The following BTBD9 variants were observed in gnomAD, a reference collection of about 807,000 sequenced individuals.
The protein encoded by BTBD9 is BTB domain containing 9.
A neutral mutation model predicts 64.3 loss-of-function variants in BTBD9; 49 were observed. The observed-to-expected ratio is 0.76, with a 90% CI of 0.61 to 0.97. BTBD9 has a LOEUF of 0.97. Among genes scored for constraint, BTBD9 ranks in the 50% least tolerant of loss-of-function variants. The probability of loss-of-function intolerance (pLI) is 0.00; values close to 1 mark genes in which losing one functional copy is unlikely to be tolerated. For missense variants in BTBD9, 598 were observed against 762.1 expected, an observed-to-expected ratio of 0.78 and a Z score of 2.53; for synonymous variants, 260 against 274.7, an observed-to-expected ratio of 0.95 and a Z score of 0.53.
chr6:38,537,252 C>T (rs1036150858), intron 6 of BTBD9, among the ~76,000 whole-genome samples: 5 of 152,104 alleles, frequency 3.3e-5, no homozygotes, highest in East Asian at 1.9e-4. Flanking sequence ...CAGAGTTAAA[C>T]GATCCAAATG....
intron 6 of BTBD9, among the ~76,000 whole-genome samples, chr6:38,376,488 T>C (rs970547095): frequency 1.3e-5 from 2 of 152,176 alleles, no homozygotes; most frequent in Non-Finnish European, 2.9e-5. Context: ...GAGGTTAATG[T>C]ATAAAATACA....
chr6:38,399,603 T>C (rs947227862), intron 6 of BTBD9, among the ~76,000 whole-genome samples: 6 of 151,428 alleles, frequency 4.0e-5, no homozygotes, highest in Non-Finnish European at 8.8e-5. Context: ...CAAGAATCCA[T>C]CTATTCTCTT....
At chr6:38,427,383 A>C (rs1369819628) in intron 6 of BTBD9, among the ~76,000 whole-genome samples, 8 of 151,962 alleles carry the variant, frequency 5.3e-5, no homozygotes, top group Admixed American at 4.6e-4. Flanking sequence ...CAATTTCATT[A>C]GGTTCTCTGT....
At chr6:38,349,543 T>G (rs926433355) in intron 6 of BTBD9, among the ~76,000 whole-genome samples, 6 of 152,258 alleles carry the variant, frequency 3.9e-5, no homozygotes, top group Non-Finnish European at 7.4e-5. Context: ...TTGTTCTATT[T>G]TATTATTAGT....
chr6:38,181,129 A>C (rs1238403418), intron 10 of BTBD9, among the ~76,000 whole-genome samples: 1 of 152,226 alleles, frequency 6.6e-6, no homozygotes, highest in Non-Finnish European at 1.5e-5. Context: ...CAAATTTTCA[A>C]GGTTTTTAAA....
At chr6:38,537,002 C>A (rs976037250) in intron 6 of BTBD9, among the ~76,000 whole-genome samples, 2 of 151,918 alleles carry the variant, frequency 1.3e-5, no homozygotes, top group Non-Finnish European at 2.9e-5. Flanking sequence ...GAAAAAAGAA[C>A]AAATACTTGA....
intron 9 of BTBD9, among the ~76,000 whole-genome samples, chr6:38,221,267 C>T (rs968789113): frequency 5.3e-5 from 8 of 152,130 alleles, no homozygotes; most frequent in African/African-American, 1.9e-4. Flanking sequence ...CTGTCGATAA[C>T]ATCTAATTGA....
intron 8 of BTBD9, among the ~76,000 whole-genome samples, chr6:38,276,421 T>G (rs543241743): frequency 1.3e-5 from 2 of 151,810 alleles, no homozygotes; most frequent in Non-Finnish European, 2.9e-5. Flanking sequence ...ATGGGTGCAG[T>G]ACACCGACAT....
intron 1 of BTBD9, among the ~76,000 whole-genome samples, chr6:38,634,302 T>C (rs2127535410): frequency 6.6e-6 from 1 of 152,248 alleles, no homozygotes; most frequent in East Asian, 1.9e-4. Context: ...GTCTTCAGTA[T>C]ATGAAACATG....
At chr6:38,596,854 G>C (rs74483799) in intron 2 of BTBD9, among the ~76,000 whole-genome samples, 1 of 151,926 alleles carries the variant, frequency 6.6e-6, no homozygotes, top group Non-Finnish European at 1.5e-5. Flanking sequence ...GTAATGACTG[G>C]ACCAAAATTT....
chr6:38,567,908 G>A lies in BTBD9; in HGVS notation c.1154+9692C>T, dbSNP rs551706077. On this transcript the variant is annotated intron_variant, in intron 6 of 10. Transcript: ENST00000481247. ...AACACTGGCAAAAAAAAATAGCAGTGTTAAAAGGGTATTTTCCAGAAAAAC... is the reference window on the plus strand; with the variant it reads ...AACACTGGCAAAAAAAAATAGCAGTATTAAAAGGGTATTTTCCAGAAAAAC... Among the ~76,000 whole-genome samples the A allele has an allele frequency of 8.9e-4, 136 of 152,186 alleles. 1 individual carries two copies. The highest frequency in any genetic ancestry group is 3.0e-3 in the African/African-American group (124 of 41,526).
chr6:38,614,431 T>C lies in BTBD9; in HGVS notation c.-27-16310A>G, dbSNP rs557236500. ...CCAGCACCTTACAGTGACTGGCATA[T>C]TTAAGACCCCAAAATTAACAAAAGA... On this transcript the variant is annotated intron_variant, in intron 1 of 10. Transcript: ENST00000481247. 2.3e-3 allele frequency among the ~76,000 whole-genome samples: 345 copies of C among 152,296 alleles called. 1 individual carries two copies. Among genetic ancestry groups the C allele is most frequent in the African/African-American group, 7.7e-3 (319 of 41,566 alleles).
intron 6 of BTBD9, among the ~76,000 whole-genome samples, chr6:38,421,353 C>T (rs927594774): frequency 2.0e-5 from 3 of 152,146 alleles, no homozygotes; most frequent in African/African-American, 7.2e-5. Context: ...AAGATTCCAT[C>T]TCAAAAACAC....
chr6:38,538,203 A>T (rs1388300937), intron 6 of BTBD9, among the ~76,000 whole-genome samples: 2 of 152,192 alleles, frequency 1.3e-5, no homozygotes, highest in Admixed American at 6.5e-5. Flanking sequence ...TCTCAGTATA[A>T]ATCTATTCCT....
chr6:38,593,952 C>A lies in BTBD9; in HGVS notation c.549+12G>T. 6.2e-7 allele frequency: 1 copy of A among 1,601,468 alleles called. No individual in the cohort carries two copies. The highest frequency in any genetic ancestry group is 1.1e-5 in the South Asian group (1 of 88,680). On this transcript the variant is annotated intron_variant, in intron 3 of 10. Coordinates refer to ENST00000481247, the MANE Select transcript of BTBD9 (RefSeq NM_001099272.2). ...TGCATGCCTATAAATTACTTGTAGA[C>A]AAATGACACACCTTAGAAAGGGAGA...
intron 7 of BTBD9, among the ~76,000 whole-genome samples, chr6:38,331,346 G>A (rs1341727733): frequency 1.3e-5 from 2 of 152,090 alleles, no homozygotes; most frequent in African/African-American, 4.8e-5. Flanking sequence ...GGGAGTGGTG[G>A]CGCATGCCTG....
At chr6:38,240,362 A>ATGAGAGGAGGGAAGT (rs2127524061) in intron 9 of BTBD9, among the ~76,000 whole-genome samples, 1 of 152,336 alleles carries the variant, frequency 6.6e-6, no homozygotes, top group South Asian at 2.1e-4. Context: ...TAGTGAGCCC[A>ATGAGAGGAGGGAAGT]TGAGAGGAGG....
At chr6:38,210,152 C>G (rs1762781866) in intron 9 of BTBD9, among the ~76,000 whole-genome samples, 1 of 152,312 alleles carries the variant, frequency 6.6e-6, no homozygotes, top group South Asian at 2.1e-4. Context: ...TGCCATACAG[C>G]CTCCTTGATT....
intron 7 of BTBD9, among the ~76,000 whole-genome samples, chr6:38,334,620 CATAACATAAAATAA>C (rs1763815622): frequency 7.4e-6 from 1 of 134,992 alleles, no homozygotes; most frequent in Non-Finnish European, 1.5e-5. Flanking sequence ...CATAACATAA[CATAACATAAAATAA>C]ATAAAATAAT....
Sources: allele counts gnomAD v4.1 joint callset (sites outside exome capture counted in the v4.1 genomes callset), GRCh38; gene constraint gnomAD v4.1.1; transcripts MANE v1.5; gene names NCBI Gene and HGNC (gene_info 2026-07-23, HGNC 2026-07-21).